The following PCDH15 variants were observed in gnomAD, a reference collection of about 807,000 sequenced individuals.
PCDH15 encodes protocadherin-15.
In PCDH15, 129 loss-of-function variants were observed where a neutral mutation model predicts 178.5. The observed-to-expected ratio is 0.72, with a 90% CI of 0.63 to 0.84. The LOEUF (loss-of-function observed/expected upper bound fraction) is 0.84. Among genes scored for constraint, PCDH15 ranks in the 40% least tolerant of loss-of-function variants. PCDH15 has a pLI of 0.00. For synonymous variants in PCDH15, 800 were observed against 732.0 expected (o/e 1.09, Z -1.50); for missense variants, 2,230 against 2,099.9 (o/e 1.06, Z -1.21).
At chr10:54,772,197 A>T (rs913502374) in intron 1 of PCDH15, among the ~76,000 whole-genome samples, 1 of 152,192 alleles carries the variant, frequency 6.6e-6, no homozygotes, top group African/African-American at 2.4e-5. Flanking sequence ...ACATTTAAAT[A>T]GTTACTTGTA....
In PCDH15 at chr10:53,804,947, TG is replaced by T. The variant is rs1242835896; in HGVS notation, c.*1631del. The stretch of plus-strand genomic sequence containing the variant: ...TTTTTTTTGTTTGTTTGTTTTGTTT[TG>T]TTTTTTTGGCAAGGGTATGGAATGC... On this transcript the variant is annotated 3_prime_UTR_variant, in exon 38 of 38. Transcript: ENST00000644397. The T allele has an allele frequency of 6.6e-6, 1 of 151,974 alleles. No homozygotes were observed. Among genetic ancestry groups the T allele is most frequent in the African/African-American group, 2.4e-5 (1 of 41,436 alleles). The allele number at this position is 151,974 out of a possible 1,614,324, so 9.4% of individuals were successfully genotyped here.
intron 21 of PCDH15, among the ~76,000 whole-genome samples, chr10:53,975,729 A>C (rs1406347050): frequency 6.6e-6 from 1 of 152,046 alleles, no homozygotes; most frequent in Non-Finnish European, 1.5e-5. Context: ...TTGTCTGTTT[A>C]CTTTGTTGAT....
At chr10:54,886,986 T>C (rs762173331) in intron 3 of PCDH15, among the ~76,000 whole-genome samples, 6 of 152,228 alleles carry the variant, frequency 3.9e-5, no homozygotes, top group Non-Finnish European at 7.3e-5. Flanking sequence ...ATTACAGATG[T>C]TCTTTTTATT....
intron 2 of PCDH15, among the ~76,000 whole-genome samples, chr10:55,128,133 T>C (rs1837950044): frequency 6.6e-6 from 1 of 152,076 alleles, no homozygotes; most frequent in Non-Finnish European, 1.5e-5. Context: ...TGTCATACCT[T>C]GCCCTTGAAA....
intron 2 of PCDH15, among the ~76,000 whole-genome samples, chr10:54,550,345 T>A (rs910112031): frequency 5.9e-5 from 9 of 152,292 alleles, no homozygotes; most frequent in African/African-American, 2.2e-4. Flanking sequence ...TTTGCAAATA[T>A]CAAAATATAA....
chr10:54,987,265 T>C (rs187017772), intron 2 of PCDH15, among the ~76,000 whole-genome samples: 4 of 152,310 alleles, frequency 2.6e-5, no homozygotes, highest in East Asian at 1.9e-4. Flanking sequence ...CAGTCTATCA[T>C]TGATGGGCAT....
intron 26 of PCDH15, among the ~76,000 whole-genome samples, chr10:53,892,083 GGT>G (rs887764632): frequency 7.1e-6 from 1 of 141,112 alleles, no homozygotes; most frequent in Non-Finnish European, 1.5e-5. Context: ...GGAGTGCCGT[GGT>G]GGCATCTTGG....
chr10:53,896,602 G>T (rs770064580), intron 26 of PCDH15, among the ~76,000 whole-genome samples: 42 of 152,186 alleles, frequency 2.8e-4, no homozygotes, highest in Non-Finnish European at 5.7e-4. Context: ...ACTACCAGTC[G>T]GTGACCTGTT....
chr10:54,856,948 T>A (rs369094901), intron 3 of PCDH15, among the ~76,000 whole-genome samples: 44 of 152,082 alleles, frequency 2.9e-4, no homozygotes, highest in African/African-American at 9.7e-4. Context: ...AATTTTGTGC[T>A]GTTTTGTTTT....
At chr10:55,516,290 T>TTCCA (rs1841011333) in intron 2 of PCDH15, among the ~76,000 whole-genome samples, 1 of 152,118 alleles carries the variant, frequency 6.6e-6, no homozygotes, top group South Asian at 2.1e-4. Context: ...TCATTCTCTC[T>TTCCA]TGTCTGCTTC....
chr10:53,977,986 GC>G (rs1267745375), intron 21 of PCDH15, among the ~76,000 whole-genome samples: 3 of 152,120 alleles, frequency 2.0e-5, no homozygotes, highest in Non-Finnish European at 4.4e-5. Context: ...TACCCTTATG[GC>G]TTTGCAGTGT....
At chr10:54,624,395 C>T (rs1015744258) in intron 2 of PCDH15, among the ~76,000 whole-genome samples, 2 of 152,180 alleles carry the variant, frequency 1.3e-5, no homozygotes, top group South Asian at 4.2e-4. Flanking sequence ...GTTACCTGAT[C>T]CCAAGTTATG....
At chr10:54,509,466 T>C (rs1199219020) in intron 3 of PCDH15, among the ~76,000 whole-genome samples, 1 of 152,142 alleles carries the variant, frequency 6.6e-6, no homozygotes. Flanking sequence ...AAACCTCTTT[T>C]TCTGAATTCA....
intron 20 of PCDH15, among the ~76,000 whole-genome samples, chr10:54,005,497 A>G (rs1160197840): frequency 6.6e-6 from 1 of 152,150 alleles, no homozygotes; most frequent in Non-Finnish European, 1.5e-5. Flanking sequence ...AATGGGCAAA[A>G]GTTCTAAACA....
At chr10:55,103,842 T>C (rs1487009491) in intron 2 of PCDH15, among the ~76,000 whole-genome samples, 1 of 152,140 alleles carries the variant, frequency 6.6e-6, no homozygotes, top group Non-Finnish European at 1.5e-5. Flanking sequence ...CCAGGGGTAT[T>C]GTCCAATATC....
intron 21 of PCDH15, among the ~76,000 whole-genome samples, chr10:53,989,858 G>C (rs1232841652): frequency 4.6e-5 from 7 of 152,066 alleles, no homozygotes; most frequent in Non-Finnish European, 8.8e-5. Flanking sequence ...TAAATCAGTA[G>C]TGATATCAAT....
chr10:55,054,655 C>T (rs886798249), intron 2 of PCDH15, among the ~76,000 whole-genome samples: 2 of 151,984 alleles, frequency 1.3e-5, no homozygotes, highest in African/African-American at 2.4e-5. Context: ...ACAGTATAAG[C>T]ATTTCTTTTT....
intron 2 of PCDH15, among the ~76,000 whole-genome samples, chr10:54,947,367 G>A (rs1488208256): frequency 6.6e-6 from 1 of 151,882 alleles, no homozygotes; most frequent in Non-Finnish European, 1.5e-5. Context: ...TTGCAGATTT[G>A]TATATCTGGT....
At chr10:55,383,857 GT>G (rs1837593028) in intron 2 of PCDH15, among the ~76,000 whole-genome samples, 1 of 152,086 alleles carries the variant, frequency 6.6e-6, no homozygotes, top group African/African-American at 2.4e-5. Flanking sequence ...GAAACCAGAT[GT>G]TTGCACTAAC....
Sources: allele counts gnomAD v4.1 joint callset (sites outside exome capture counted in the v4.1 genomes callset), GRCh38; gene constraint gnomAD v4.1.1; transcripts MANE v1.5; gene names NCBI Gene and HGNC (gene_info 2026-07-23, HGNC 2026-07-21).